SYK: variants seen among roughly 807,000 people sequenced by gnomAD.
The protein encoded by SYK is tyrosine-protein kinase SYK.
Under a neutral mutation model 77.8 loss-of-function variants are expected in SYK, and 16 were observed. The observed-to-expected ratio is 0.21, with a 90% CI of 0.14 to 0.31. The LOEUF is 0.31. SYK is among the 10% of genes least tolerant of loss of function. The pLI is 1.00. For synonymous variants in SYK, 312 were observed against 308.7 expected, an observed-to-expected ratio of 1.01 and a Z score of -0.11; for missense variants, 529 against 814.4, an observed-to-expected ratio of 0.65 and a Z score of 4.26.
At chr9:90,846,137 T>C (rs1826583739) in intron 3 of SYK, among the ~76,000 whole-genome samples, 1 of 152,196 alleles carries the variant, frequency 6.6e-6, no homozygotes, top group Non-Finnish European at 1.5e-5. Context: ...CTGTTTGCTA[T>C]CCTCAGTGGT....
intron 1 of SYK, among the ~76,000 whole-genome samples, chr9:90,834,228 C>A (rs191491586): frequency 4.1e-5 from 6 of 147,912 alleles, no homozygotes; most frequent in Admixed American, 4.0e-4. Context: ...ACATGCATGC[C>A]TTCTTATGAA....
At chr9:90,877,360 G>A (rs1827977558) in intron 9 of SYK, among the ~76,000 whole-genome samples, 1 of 152,128 alleles carries the variant, frequency 6.6e-6, no homozygotes, top group East Asian at 1.9e-4. Flanking sequence ...TTCTTTTTTA[G>A]TAATGGAGTA....
chr9:90,891,731 G>T (rs774926216), intron 13 of SYK, among the ~76,000 whole-genome samples: 1 of 151,756 alleles, frequency 6.6e-6, no homozygotes, highest in African/African-American at 2.4e-5. Context: ...GCAGTTGAAT[G>T]AAAAAAAAGG....
intron 1 of SYK, among the ~76,000 whole-genome samples, chr9:90,838,179 G>T (rs924515761): frequency 3.3e-5 from 5 of 152,210 alleles, no homozygotes; most frequent in African/African-American, 1.2e-4. Context: ...CAGGAGCTCA[G>T]TGGAGAGAAA....
At chr9:90,891,583 T>C (rs527561772) in intron 13 of SYK, among the ~76,000 whole-genome samples, 1 of 152,312 alleles carries the variant, frequency 6.6e-6, no homozygotes, top group South Asian at 2.1e-4. Flanking sequence ...CTGCTTTTTG[T>C]TATAAAAGAC....
intron 11 of SYK, among the ~76,000 whole-genome samples, chr9:90,886,426 TGGG>T (rs1828580777): frequency 6.6e-6 from 1 of 152,148 alleles, no homozygotes; most frequent in South Asian, 2.1e-4. Context: ...AAAAACAGGC[TGGG>T]CACGGTGGCT....
rs200070739 is a variant in SYK, at chr9:90,895,670, T to C, written c.*70T>C. ...TCACAGGAAAATGTATCCAGAGGAATTGATTGTCAGCCACCTCCCTCTGCC... is the reference window on the plus strand; with the variant it reads ...TCACAGGAAAATGTATCCAGAGGAACTGATTGTCAGCCACCTCCCTCTGCC... On this transcript the variant is annotated 3_prime_UTR_variant, in exon 14 of 14. Transcript: ENST00000375754. This position sits in a 1 kb window ranked among gnomAD's most constrained non-coding sequence, Gnocchi z 4.4. 10 of 1,458,006 alleles carry C rather than the reference T, an allele frequency of 6.9e-6. No homozygotes were observed. Among genetic ancestry groups the C allele is most frequent in the African/African-American group, 5.6e-5 (4 of 71,914 alleles). The allele number at this position is 1,458,006 out of a possible 1,614,324, so 90.3% of individuals were successfully genotyped here.
chr9:90,813,552 C>T (rs1211377768), intron 1 of SYK, among the ~76,000 whole-genome samples: 1 of 152,080 alleles, frequency 6.6e-6, no homozygotes, highest in Non-Finnish European at 1.5e-5. Context: ...GCTGGTAGTA[C>T]CCCATCTGCA....
At chr9:90,855,007 T>TACACACACACACACAC (rs769425530) in intron 3 of SYK, among the ~76,000 whole-genome samples, 33 of 42,106 alleles carry the variant, frequency 7.8e-4, no homozygotes, top group African/African-American at 1.8e-3. Flanking sequence ...CACACACACA[T>TACACACACACACACAC]ACATACACAC....
At chr9:90,840,329 GTGC>G (rs1196249797) in intron 1 of SYK, among the ~76,000 whole-genome samples, 20 of 152,180 alleles carry the variant, frequency 1.3e-4, no homozygotes, top group African/African-American at 4.8e-4. Flanking sequence ...AGTATGAGAC[GTGC>G]TGGGCTGCAG....
At chr9:90,874,147 C>A in intron 7 of SYK, 57 bp from the exon 8 acceptor site, 1 of 1,309,128 alleles carries the variant, frequency 7.6e-7, no homozygotes, top group Non-Finnish European at 1.1e-6. Context: ...TTATGCAGAT[C>A]AACTTAACAG....
chr9:90,835,817 G>T (rs906917693), intron 1 of SYK, among the ~76,000 whole-genome samples: 1 of 152,146 alleles, frequency 6.6e-6, no homozygotes, highest in Non-Finnish European at 1.5e-5. Context: ...CACAGCAATT[G>T]CATGTTTAGC....
chr9:90,822,709 A>G (rs190204829), intron 1 of SYK, among the ~76,000 whole-genome samples: 316 of 152,226 alleles, frequency 2.1e-3, no homozygotes, highest in African/African-American at 7.1e-3. Context: ...GCACAGGCTC[A>G]CTCAGAGGCT....
chr9:90,864,812 T>C lies in SYK; in HGVS notation c.796+145T>C, dbSNP rs1363324813. On this transcript the variant is annotated intron_variant, in intron 5 of 13. Transcript: ENST00000375754. The stretch of plus-strand genomic sequence containing the variant: ...ATAATGATATCAGAGCACTCCGATT[T>C]TGTATATCGTGAATCAAAAAATAGC... The C allele has an allele frequency of 4.0e-6, 3 of 756,556 alleles. No individual in the cohort carries two copies. The African/African-American group carries it at 5.3e-5, about 13-fold the overall frequency. The allele number at this position is 756,556 out of a possible 1,614,324, so 46.9% of individuals were successfully genotyped here.
chr9:90,830,658 T>A (rs1825853299), intron 1 of SYK, among the ~76,000 whole-genome samples: 1 of 148,940 alleles, frequency 6.7e-6, no homozygotes, highest in Non-Finnish European at 1.5e-5. Context: ...TGATTTCTGC[T>A]CACTGCAAAC....
chr9:90,816,735 C>A (rs1164914142), intron 1 of SYK, among the ~76,000 whole-genome samples: 1 of 152,272 alleles, frequency 6.6e-6, no homozygotes, highest in East Asian at 1.9e-4. Context: ...CTATTTTGTT[C>A]TCTGTTTCTA....
At chr9:90,828,351 T>C (rs1450700019) in intron 1 of SYK, among the ~76,000 whole-genome samples, 3 of 151,730 alleles carry the variant, frequency 2.0e-5, no homozygotes, top group Non-Finnish European at 4.4e-5. Flanking sequence ...ATCATCCATA[T>C]GTGGTTTGCC....
intron 1 of SYK, among the ~76,000 whole-genome samples, chr9:90,835,764 C>T (rs1826054248): frequency 1.3e-5 from 2 of 152,202 alleles, no homozygotes; most frequent in South Asian, 2.1e-4. Context: ...AGATTAGTTG[C>T]CAGGGTTCTC....
intron 11 of SYK, among the ~76,000 whole-genome samples, chr9:90,884,162 C>CACATACGTGTATATATACACAT (rs1205118353): frequency 4.1e-5 from 2 of 48,384 alleles, no homozygotes; most frequent in South Asian, 1.9e-3. Context: ...TGTATATATA[C>CACATACGTGTATATATACACAT]ACACATACAC....
Sources: allele counts gnomAD v4.1 joint callset (sites outside exome capture counted in the v4.1 genomes callset), GRCh38; gene constraint gnomAD v4.1.1; non-coding constraint Gnocchi (gnomAD v3.1); transcripts MANE v1.5; gene names NCBI Gene and HGNC (gene_info 2026-07-23, HGNC 2026-07-21).